Variants in MMP26 observed in about 807,000 individuals in gnomAD.
MMP26 encodes matrix metallopeptidase 26, also known as matrix metalloproteinase-26.
MMP26 carries 33 observed loss-of-function variants against 31.0 expected under a neutral mutation model. The observed-to-expected ratio is 1.06, with a 90% CI of 0.81 to 1.42. The LOEUF is 1.42. MMP26 is among the 40% of genes most tolerant of loss of function. MMP26 has a pLI of 0.00. For synonymous variants in MMP26, 122 were observed against 114.9 expected (o/e 1.06, Z -0.40); for missense variants, 347 against 316.1 (o/e 1.10, Z -0.74).
At chr11:4,915,061 G>A in intron 2 of MMP26, 1 of 1,614,094 alleles carries the variant, frequency 6.2e-7, no homozygotes, top group Non-Finnish European at 8.5e-7. Flanking sequence ...TGCCGTAGAT[G>A]CTGTTGGCCT....
intron 2 of MMP26, among the ~76,000 whole-genome samples, chr11:4,785,917 T>C (rs1848936969): frequency 6.6e-6 from 1 of 152,292 alleles, no homozygotes; most frequent in South Asian, 2.1e-4. Context: ...ATTGATTTTA[T>C]TGGGGAGGCA....
chr11:4,822,205 C>G (rs1849518028), intron 2 of MMP26: 1 of 1,595,446 alleles, frequency 6.3e-7, no homozygotes, highest in African/African-American at 1.3e-5. Context: ...CAGTTTGTCT[C>G]TTGTCCATCG....
chr11:4,893,154 A>G (rs1457562411), intron 2 of MMP26, among the ~76,000 whole-genome samples: 2 of 152,144 alleles, frequency 1.3e-5, no homozygotes, highest in Non-Finnish European at 2.9e-5. Flanking sequence ...AGTATAATAT[A>G]CATACTACAT....
At chr11:4,731,509 CTG>C (rs1848173534) in intron 1 of MMP26, among the ~76,000 whole-genome samples, 1 of 152,222 alleles carries the variant, frequency 6.6e-6, no homozygotes, top group Admixed American at 6.5e-5. Context: ...ACTGATCTGT[CTG>C]TACCCTGACA....
chr11:4,951,440 A>G (rs917605712), intron 2 of MMP26, among the ~76,000 whole-genome samples: 1 of 124,132 alleles, frequency 8.1e-6, no homozygotes, highest in Non-Finnish European at 1.8e-5. Context: ...TGTTACATAA[A>G]CTGATTTCTT....
Position 4,953,988 on chromosome 11 carries a change from AG to A in MMP26, c.-144-34078del, listed in dbSNP as rs965818691. On this transcript the variant is annotated intron_variant, in intron 2 of 7. Transcript: ENST00000380390. The stretch of plus-strand genomic sequence containing the variant: ...AGAATCGCTTGAACCTGGGAGGCGG[AG>A]GTTGCAGTGAGCAGAGATTGTGCTA... Among the ~76,000 whole-genome samples the A allele has an allele frequency of 4.9e-4, 62 of 126,062 alleles. 13 individuals carry two copies. The highest frequency in any genetic ancestry group is 1.6e-3 in the African/African-American group (61 of 37,032). The allele number at this position is 126,062 out of a possible 152,430, so 82.7% of individuals were successfully genotyped here. A position where few individuals can be genotyped will look rare whatever the true frequency, so the allele number is the denominator to read the frequency against.
intron 2 of MMP26, among the ~76,000 whole-genome samples, chr11:4,884,444 A>C (rs1183339493): frequency 2.0e-5 from 3 of 152,108 alleles, no homozygotes; most frequent in Non-Finnish European, 2.9e-5. Flanking sequence ...TGTCCTCATC[A>C]AAAGGAAAAA....
intron 2 of MMP26, among the ~76,000 whole-genome samples, chr11:4,920,242 G>A (rs751195561): frequency 5.3e-5 from 8 of 152,086 alleles, no homozygotes; most frequent in Non-Finnish European, 1.0e-4. Context: ...ATTATTCAGA[G>A]ACCTTTGCCA....
intron 2 of MMP26, chr11:4,875,106 G>A (rs1421312597): frequency 5.3e-5 from 8 of 152,064 alleles, no homozygotes. Flanking sequence ...TAATCTGGCT[G>A]AGCCATATAT....
intron 2 of MMP26, among the ~76,000 whole-genome samples, chr11:4,928,724 T>C (rs1294037585): frequency 6.6e-6 from 1 of 152,086 alleles, no homozygotes; most frequent in East Asian, 1.9e-4. Context: ...ATCTCCTCTT[T>C]GTACTTCAAG....
intron 2 of MMP26, among the ~76,000 whole-genome samples, chr11:4,896,587 A>G (rs1189889256): frequency 6.6e-6 from 1 of 152,214 alleles, no homozygotes; most frequent in Non-Finnish European, 1.5e-5. Context: ...AGTTGAGGCT[A>G]CCAAGAAATC....
chr11:4,769,360 C>T (rs1021883035), intron 2 of MMP26: 11 of 1,613,930 alleles, frequency 6.8e-6, no homozygotes, highest in Non-Finnish European at 9.3e-6. Context: ...CTAATTGAAT[C>T]ACATCTGGAT....
At chr11:4,863,937 C>G (rs528570323) in intron 2 of MMP26, among the ~76,000 whole-genome samples, 28 of 152,180 alleles carry the variant, frequency 1.8e-4, no homozygotes, top group African/African-American at 6.5e-4. Flanking sequence ...AACTCACATA[C>G]GTGCACACAA....
intron 2 of MMP26, among the ~76,000 whole-genome samples, chr11:4,940,712 C>T (rs1366574210): frequency 2.0e-5 from 3 of 152,144 alleles, no homozygotes; most frequent in South Asian, 4.1e-4. Context: ...AATCTAGGGC[C>T]AAACTCATAA....
At chr11:4,928,199 C>T (rs985494636) in intron 2 of MMP26, among the ~76,000 whole-genome samples, 7 of 151,976 alleles carry the variant, frequency 4.6e-5, no homozygotes, top group African/African-American at 1.7e-4. Flanking sequence ...TACACAGATC[C>T]TAGTACACTA....
intron 2 of MMP26, among the ~76,000 whole-genome samples, chr11:4,836,033 GA>G (rs1849714908): frequency 6.6e-6 from 1 of 151,826 alleles, no homozygotes; most frequent in African/African-American, 2.4e-5. Context: ...TTGGAAAACA[GA>G]AAAAACTGTT....
At position 4,959,031 on chromosome 11, in the gene MMP26, G is replaced by A. The variant is rs915590805; in HGVS notation, c.-144-29037G>A. On this transcript the variant is annotated intron_variant, in intron 2 of 7. Coordinates refer to ENST00000380390, the MANE Select transcript of MMP26 (RefSeq NM_021801.5). Reference sequence around the variant, plus strand: ...AGGCGGGCAGATCATGAGGTCATGAGATCGAGACCATCCTGGCTAACACGG... The same window carrying A: ...AGGCGGGCAGATCATGAGGTCATGAAATCGAGACCATCCTGGCTAACACGG... 2.6e-5 allele frequency among the ~76,000 whole-genome samples: 4 copies of A among 152,218 alleles called. No homozygotes were observed. In the East Asian group the frequency reaches 5.8e-4, roughly 22 times the overall value.
At chr11:4,861,086 T>G in intron 2 of MMP26, among the ~76,000 whole-genome samples, 1 of 149,468 alleles carries the variant, frequency 6.7e-6, no homozygotes, top group African/African-American at 2.4e-5. Context: ...TCATATATAC[T>G]TCCATATATA....
At chr11:4,794,361 G>A (rs1445157042) in intron 2 of MMP26, 2 of 152,152 alleles carry the variant, frequency 1.3e-5, no homozygotes, top group Non-Finnish European at 1.5e-5. Flanking sequence ...GCAAGATCGG[G>A]TCTCTGGTGA....
Sources: gnomAD v4.1 joint callset for allele counts (sites outside exome capture counted in the v4.1 genomes callset) on GRCh38, gnomAD v4.1.1 for gene constraint, MANE v1.5 for transcripts, NCBI Gene and HGNC (gene_info 2026-07-23, HGNC 2026-07-21) for gene names.